Variants in PHACTR1 observed in about 807,000 individuals in gnomAD.
PHACTR1 encodes RPEL repeat containing 1.
Under a neutral mutation model 69.2 loss-of-function variants are expected in PHACTR1, and 16 were observed. The ratio of observed to expected loss-of-function variants is 0.23; its 90% CI spans 0.16 to 0.35. The LOEUF (loss-of-function observed/expected upper bound fraction) is 0.35, where lower values mean the gene tolerates loss of function less well. Among genes scored for constraint, PHACTR1 ranks in the 10% least tolerant of loss-of-function variants. PHACTR1 has a pLI of 1.00. For synonymous variants in PHACTR1, 312 were observed against 284.5 expected (o/e 1.10, Z -0.97); for missense variants, 510 against 734.7 (o/e 0.69, Z 3.54).
chr6:12,824,366 G>A (rs1776552774), intron 4 of PHACTR1, among the ~76,000 whole-genome samples: 1 of 152,092 alleles, frequency 6.6e-6, no homozygotes, highest in African/African-American at 2.4e-5. Flanking sequence ...GAAATAAAAT[G>A]CGCCATAAAT....
intron 4 of PHACTR1, among the ~76,000 whole-genome samples, chr6:12,876,373 T>C (rs1209707719): frequency 6.6e-6 from 1 of 152,206 alleles, no homozygotes; most frequent in African/African-American, 2.4e-5. Flanking sequence ...CAGGTTAATA[T>C]CATTATCATT....
intron 5 of PHACTR1, among the ~76,000 whole-genome samples, chr6:13,122,213 G>C (rs1818842468): frequency 6.6e-6 from 1 of 152,202 alleles, no homozygotes; most frequent in South Asian, 2.1e-4. Context: ...ACATTTTTAA[G>C]AGTTTCAGTA....
At chr6:12,874,628 A>G (rs1242039994) in intron 4 of PHACTR1, among the ~76,000 whole-genome samples, 1 of 152,142 alleles carries the variant, frequency 6.6e-6, no homozygotes, top group Non-Finnish European at 1.5e-5. Flanking sequence ...CACCATCTAC[A>G]TCCTCCTCCT....
rs535438085 is a variant in PHACTR1, at chr6:13,008,234, G to T, written c.251-45131G>T. Among the ~76,000 whole-genome samples the T allele has an allele frequency of 1.1e-4, 16 of 152,302 alleles. No individual in the cohort carries two copies. In the East Asian group the frequency reaches 3.1e-3, roughly 29 times the overall value. ...AAAACACAGTTGGCAGAAAAACACT[G>T]TGGTGGAAAAGCCTCACTTGCGGGG... On this transcript the variant is annotated intron_variant, in intron 4 of 14. Transcript: ENST00000332995.
Position 12,972,954 on chromosome 6 carries a change from A to G in PHACTR1, c.251-80411A>G, listed in dbSNP as rs573892760. 2.6e-5 allele frequency among the ~76,000 whole-genome samples: 4 copies of G among 152,184 alleles called. No individual in the cohort carries two copies. The East Asian group carries it at 7.7e-4, about 29-fold the overall frequency. On this transcript the variant is annotated intron_variant, in intron 4 of 14. Transcript: ENST00000332995. ...ACGTGAGCCACCGCGGCTGGCCTAT[A>G]TCACTCTAACTTCTGCTTCTGCCCT...
intron 4 of PHACTR1, among the ~76,000 whole-genome samples, chr6:12,973,916 A>ATTTTTTT (rs33948457): frequency 1.4e-3 from 128 of 92,810 alleles, no homozygotes; most frequent in African/African-American, 2.1e-3. Flanking sequence ...AGAGGCTGGG[A>ATTTTTTT]TTTTTTTTTT....
intron 4 of PHACTR1, among the ~76,000 whole-genome samples, chr6:12,961,512 C>T (rs1792724971): frequency 6.6e-6 from 1 of 152,172 alleles, no homozygotes; most frequent in African/African-American, 2.4e-5. Context: ...TGAAGAGCAA[C>T]ATATGATATC....
At chr6:12,882,259 G>A (rs1056516391) in intron 4 of PHACTR1, among the ~76,000 whole-genome samples, 1 of 152,148 alleles carries the variant, frequency 6.6e-6, no homozygotes, top group South Asian at 2.1e-4. Context: ...CTTGATTGGA[G>A]AGAACTTGGC....
intron 5 of PHACTR1, among the ~76,000 whole-genome samples, chr6:13,055,439 A>G (rs750059424): frequency 6.6e-6 from 1 of 152,240 alleles, no homozygotes; most frequent in Non-Finnish European, 1.5e-5. Context: ...GAAGAAATCT[A>G]AGTGAAATAT....
chr6:12,731,391 T>G (rs941338990), intron 3 of PHACTR1, among the ~76,000 whole-genome samples: 1 of 152,238 alleles, frequency 6.6e-6, no homozygotes, highest in African/African-American at 2.4e-5. Flanking sequence ...TGACTAAATT[T>G]GACAGGTGAC....
chr6:12,796,956 T>G (rs1450841944), intron 4 of PHACTR1, among the ~76,000 whole-genome samples: 1 of 151,762 alleles, frequency 6.6e-6, no homozygotes, highest in Non-Finnish European at 1.5e-5. Context: ...ACAAAGTTTG[T>G]CAGTGGAAGA....
chr6:13,281,034 A>G, intron 12 of PHACTR1: 1 of 1,289,626 alleles, frequency 7.8e-7, no homozygotes, highest in Non-Finnish European at 1.0e-6. Flanking sequence ...ATTCCCTCTG[A>G]GCACTTGTGC....
chr6:12,767,423 GT>G (rs897464249), intron 4 of PHACTR1, among the ~76,000 whole-genome samples: 1 of 152,210 alleles, frequency 6.6e-6, no homozygotes, highest in African/African-American at 2.4e-5. Context: ...AGACACATGT[GT>G]TTTTTAAGCA....
intron 4 of PHACTR1, among the ~76,000 whole-genome samples, chr6:12,901,952 G>A (rs991906316): frequency 6.6e-6 from 1 of 152,124 alleles, no homozygotes; most frequent in Non-Finnish European, 1.5e-5. Context: ...TGCTCTCCAG[G>A]GGACATTTGG....
At chr6:13,052,937 T>C (rs1166251316) in intron 4 of PHACTR1, among the ~76,000 whole-genome samples, 3 of 152,218 alleles carry the variant, frequency 2.0e-5, no homozygotes, top group African/African-American at 4.8e-5. Flanking sequence ...AGACAGTTGA[T>C]AAATGTTTTC....
At chr6:12,790,064 GT>G (rs1772072045) in intron 4 of PHACTR1, among the ~76,000 whole-genome samples, 2 of 151,892 alleles carry the variant, frequency 1.3e-5, no homozygotes, top group African/African-American at 4.8e-5. Context: ...ATAAGTCCCT[GT>G]TTCTTTTTTC....
rs112754150 is a variant in PHACTR1, at chr6:12,849,291, C to A, written c.250+99501C>A. Among the ~76,000 whole-genome samples the A allele has an allele frequency of 9.4e-3, 1,436 of 152,306 alleles. 19 individuals carry two copies. The highest frequency in any genetic ancestry group is 0.033 in the African/African-American group (1,359 of 41,550). ...AATTAACAATAAAGCGCTTAGGCTT[C>A]AGTGTGGTGAGGTCCCACGTCGGTG... On this transcript the variant is annotated intron_variant, in intron 4 of 14. Coordinates refer to ENST00000332995, the MANE Select transcript of PHACTR1 (RefSeq NM_030948.6).
At chr6:12,846,726 C>CTT (rs36120296) in intron 4 of PHACTR1, among the ~76,000 whole-genome samples, 15,481 of 143,508 alleles carry the variant, frequency 0.11, 948 homozygotes, top group East Asian at 0.17. Context: ...TTCTTTCGTC[C>CTT]TTTTTTTTTT....
chr6:12,789,864 G>A (rs1235424845), intron 4 of PHACTR1, among the ~76,000 whole-genome samples: 1 of 151,576 alleles, frequency 6.6e-6, no homozygotes, highest in Non-Finnish European at 1.5e-5. Flanking sequence ...CCATGCTGGT[G>A]TGCTGCACCC....
Sources: allele counts gnomAD v4.1 joint callset (sites outside exome capture counted in the v4.1 genomes callset), GRCh38; gene constraint gnomAD v4.1.1; transcripts MANE v1.5; gene names NCBI Gene and HGNC (gene_info 2026-07-23, HGNC 2026-07-21).